Variants in ZNF346 observed in about 807,000 individuals in gnomAD.
The protein encoded by ZNF346 is zinc finger protein 346, also known as double-stranded RNA-binding zinc finger protein JAZ.
A neutral mutation model predicts 33.7 loss-of-function variants in ZNF346; 23 were observed. The observed-to-expected ratio is 0.68, with a 90% CI of 0.49 to 0.97. The LOEUF is 0.97. Ranked by LOEUF, ZNF346 falls within the 50% of genes least tolerant of loss-of-function variation. ZNF346 has a pLI of 0.00. For missense variants in ZNF346, 340 were observed against 371.1 expected, an observed-to-expected ratio of 0.92 and a Z score of 0.69; for synonymous variants, 134 against 142.4, an observed-to-expected ratio of 0.94 and a Z score of 0.42.
Position 177,041,833 on chromosome 5 carries a change from C to T in ZNF346, c.335C>T (p.Thr112Ile), listed in dbSNP as rs769559500. The T allele has an allele frequency of 2.5e-6, 4 of 1,613,356 alleles. No homozygotes were observed. Among genetic ancestry groups the T allele is most frequent in the East Asian group, 4.5e-5 (2 of 44,880 alleles). Residue 112 changes from threonine (T) to isoleucine (I), a missense_variant, in exon 3 of 7, where the codon ACA (threonine) becomes ATA (isoleucine). Thr to Ile is a moderately conservative substitution (Grantham distance 89, BLOSUM62 -1). Coordinates refer to ENST00000358149, the MANE Select transcript of ZNF346 (RefSeq NM_012279.4). ...TACCTAGCAATCCATGGAATGGAGA[C>T]ATTAAAGGGGGAAACGAAGAAGCTA... ...KRYLAIHGME[T>I]LKGETKKLDS...
chr5:177,076,867 C>G (rs1282820446), intron 8 of ZNF346, among the ~76,000 whole-genome samples: 1 of 152,008 alleles, frequency 6.6e-6, no homozygotes, highest in Non-Finnish European at 1.5e-5. Flanking sequence ...ATGGTGAAAC[C>G]CCGTCTCTAC....
chr5:177,036,483 C>CA (rs2149610533), intron 1 of ZNF346, among the ~76,000 whole-genome samples: 1 of 149,916 alleles, frequency 6.7e-6, no homozygotes, highest in African/African-American at 2.5e-5. Flanking sequence ...GAAGCATAAT[C>CA]AAAGTTCAAG....
chr5:177,046,981 A>C (rs1422135086), intron 4 of ZNF346, among the ~76,000 whole-genome samples: 2 of 151,966 alleles, frequency 1.3e-5, no homozygotes, highest in African/African-American at 4.8e-5. Flanking sequence ...AAATACCAGT[A>C]TGCACATATG....
At chr5:177,062,181 T>A in intron 6 of ZNF346, 30 bp downstream of exon 6, 1 of 1,591,676 alleles carries the variant, frequency 6.3e-7, no homozygotes, top group Non-Finnish European at 8.6e-7. Flanking sequence ...AATTCTAGGA[T>A]CCATAGCAGG....
rs1414063846 is a variant in ZNF346 at position 177,064,981 on chromosome 5, C to T, written c.*382C>T. ...ACTAAAGAGCAGAGATCTCTCTGGG[C>T]CCTAGACATTTCCAGCAAAACCTGG... On this transcript the variant is annotated 3_prime_UTR_variant, in exon 7 of 7. Coordinates refer to ENST00000358149, the MANE Select transcript of ZNF346 (RefSeq NM_012279.4). 1 of 179,742 alleles carries T rather than the reference C, an allele frequency of 5.6e-6. No homozygotes were observed. Among genetic ancestry groups the T allele is most frequent in the African/African-American group, 2.4e-5 (1 of 42,498 alleles). 11.1% of individuals were successfully genotyped at this position (179,742 alleles called of 1,614,324 possible). A position where few individuals can be genotyped will look rare whatever the true frequency, so the allele number is the denominator to read the frequency against.
At chr5:177,047,988 C>A (rs1294859702) in intron 4 of ZNF346, among the ~76,000 whole-genome samples, 4 of 152,050 alleles carry the variant, frequency 2.6e-5, no homozygotes, top group African/African-American at 9.7e-5. Flanking sequence ...TTTGTATTTC[C>A]CCATGTTATT....
chr5:177,078,287 G>A (rs942586178), intron 8 of ZNF346, among the ~76,000 whole-genome samples: 3 of 152,250 alleles, frequency 2.0e-5, no homozygotes, highest in African/African-American at 4.8e-5. Flanking sequence ...AACAAAGGCA[G>A]CATAAGCAAA....
At chr5:177,033,853 T>C (rs1778083187) in intron 1 of ZNF346, among the ~76,000 whole-genome samples, 1 of 152,132 alleles carries the variant, frequency 6.6e-6, no homozygotes, top group Non-Finnish European at 1.5e-5. Context: ...AGCTCAATTG[T>C]AGATTCTAAG....
intron 1 of ZNF346, among the ~76,000 whole-genome samples, chr5:177,026,439 AG>A (rs1776789375): frequency 7.1e-6 from 1 of 141,824 alleles, no homozygotes; most frequent in Admixed American, 7.7e-5. Context: ...AGCTCACTGC[AG>A]CCTCCCTGTC....
chr5:177,076,152 A>T (rs535820729), intron 8 of ZNF346, among the ~76,000 whole-genome samples: 15 of 152,346 alleles, frequency 9.8e-5, no homozygotes, highest in South Asian at 6.2e-4. Context: ...GACAGAAGTG[A>T]CAAGAATCTG....
chr5:177,079,627 C>G (rs971667741), exon 9 of ZNF346: 4 of 152,222 alleles, frequency 2.6e-5, no homozygotes, highest in Non-Finnish European at 5.9e-5. Context: ...TACACTGTTT[C>G]ATTTAGGCCC....
intron 1 of ZNF346, among the ~76,000 whole-genome samples, chr5:177,036,963 C>G (rs1430790958): frequency 6.6e-6 from 1 of 151,372 alleles, no homozygotes; most frequent in Admixed American, 6.6e-5. Flanking sequence ...TTTTCCCCAT[C>G]TGGGGAAAAA....
intron 1 of ZNF346, among the ~76,000 whole-genome samples, chr5:177,031,110 A>G (rs1777628856): frequency 1.3e-5 from 2 of 152,144 alleles, no homozygotes; most frequent in South Asian, 2.1e-4. Context: ...ATCTCGGCTC[A>G]CTGCATGCTC....
At chr5:177,056,504 T>G in intron 5 of ZNF346, among the ~76,000 whole-genome samples, 1 of 152,128 alleles carries the variant, frequency 6.6e-6, no homozygotes, top group East Asian at 1.9e-4. Context: ...AGCAAAGACT[T>G]GGAACCAACC....
At chr5:177,036,187 A>G (rs1196864301) in intron 1 of ZNF346, among the ~76,000 whole-genome samples, 1 of 152,054 alleles carries the variant, frequency 6.6e-6, no homozygotes, top group Non-Finnish European at 1.5e-5. Context: ...CTGGCCAGAC[A>G]TCTCTCTTTT....
intron 5 of ZNF346, among the ~76,000 whole-genome samples, chr5:177,060,411 C>T (rs1271652591): frequency 1.3e-5 from 2 of 151,712 alleles, no homozygotes; most frequent in East Asian, 3.9e-4. Context: ...ATGCCAGCTA[C>T]TCGAGAGGCT....
chr5:177,055,278 C>G (rs1302259324), intron 5 of ZNF346, among the ~76,000 whole-genome samples: 2 of 152,014 alleles, frequency 1.3e-5, no homozygotes, highest in African/African-American at 2.4e-5. Context: ...AGGTGATCCA[C>G]CTACCTCGGC....
intron 4 of ZNF346, 157 bp from the exon 5 acceptor site, chr5:177,050,594 C>A: frequency 1.4e-6 from 1 of 714,118 alleles, no homozygotes; most frequent in South Asian, 1.7e-5. Context: ...GGCAGTGCCA[C>A]ATCTGCAGTA....
chr5:177,053,252 G>A (rs1315972933), intron 5 of ZNF346, among the ~76,000 whole-genome samples: 3 of 142,930 alleles, frequency 2.1e-5, no homozygotes, highest in African/African-American at 5.3e-5. Flanking sequence ...GGAGGTGGAG[G>A]TTGCAGTGAT....
Sources: allele counts gnomAD v4.1 joint callset (sites outside exome capture counted in the v4.1 genomes callset), GRCh38; gene constraint gnomAD v4.1.1; transcripts MANE v1.5; gene names NCBI Gene and HGNC (gene_info 2026-07-23, HGNC 2026-07-21).